Variants in NELL1 observed in about 807,000 individuals in gnomAD.
The protein encoded by NELL1 is neural EGFL like 1, also known as protein kinase C-binding protein NELL1.
A neutral mutation model predicts 107.4 loss-of-function variants in NELL1; 76 were observed. The observed-to-expected ratio is 0.71, with a 90% CI of 0.59 to 0.86. The LOEUF (loss-of-function observed/expected upper bound fraction) is 0.86. Ranked by LOEUF, NELL1 falls within the 40% of genes least tolerant of loss-of-function variation. The probability of loss-of-function intolerance (pLI) is 0.00; values close to 1 mark genes in which losing one functional copy is unlikely to be tolerated. For missense variants in NELL1, 1,024 were observed against 1,005.5 expected, an observed-to-expected ratio of 1.02 and a Z score of -0.25; for synonymous variants, 353 against 341.2, an observed-to-expected ratio of 1.03 and a Z score of -0.38.
At chr11:21,082,843 A>G (rs546864403) in intron 12 of NELL1, among the ~76,000 whole-genome samples, 1 of 152,350 alleles carries the variant, frequency 6.6e-6, no homozygotes, top group South Asian at 2.1e-4. Flanking sequence ...GCATTTAAAA[A>G]TCCTTATTTA....
intron 12 of NELL1, among the ~76,000 whole-genome samples, chr11:21,011,866 A>T (rs1168231001): frequency 6.6e-6 from 1 of 152,162 alleles, no homozygotes; most frequent in African/African-American, 2.4e-5. Context: ...ATAAACTATT[A>T]AATAAGCATT....
intron 14 of NELL1, among the ~76,000 whole-genome samples, chr11:21,233,145 T>A (rs183451025): frequency 6.6e-6 from 1 of 152,358 alleles, no homozygotes; most frequent in Admixed American, 6.5e-5. Context: ...TGGTGGTCGA[T>A]GCCCATGTAA....
intron 4 of NELL1, among the ~76,000 whole-genome samples, chr11:20,875,103 A>G (rs1333395660): frequency 2.0e-5 from 3 of 152,330 alleles, no homozygotes; most frequent in South Asian, 2.1e-4. Flanking sequence ...GTCTCATGGT[A>G]CACTTTAAGA....
At chr11:21,381,985 A>C (rs1437535648) in intron 15 of NELL1, among the ~76,000 whole-genome samples, 1 of 145,204 alleles carries the variant, frequency 6.9e-6, no homozygotes, top group African/African-American at 2.6e-5. Context: ...ATTTAACAGC[A>C]AGTTCTCACT....
chr11:21,442,233 T>G (rs778279951), intron 15 of NELL1, among the ~76,000 whole-genome samples: 2 of 152,170 alleles, frequency 1.3e-5, no homozygotes, highest in Admixed American at 6.6e-5. Context: ...TACCTAAGAT[T>G]AGCAACCTCA....
chr11:20,830,947 G>T (rs1857995817), intron 3 of NELL1, among the ~76,000 whole-genome samples: 1 of 152,042 alleles, frequency 6.6e-6, no homozygotes, highest in Non-Finnish European at 1.5e-5. Context: ...ATTTCAACAT[G>T]AGTTTTGGTG....
rs578220684 is a variant in NELL1 at position 20,982,808 on chromosome 11, T to A, written c.1300+22248T>A. Among the ~76,000 whole-genome samples the A allele has an allele frequency of 9.2e-5, 14 of 152,318 alleles. No individual in the cohort carries two copies. The South Asian group carries it at 2.9e-3, about 32-fold the overall frequency. ...GTGATTTACAGTTTCTAAAAAGTTG[T>A]TTGTATAGGGAATTTTTGTTAAAGA... On this transcript the variant is annotated intron_variant, in intron 12 of 19. Transcript: ENST00000357134.
intron 13 of NELL1, among the ~76,000 whole-genome samples, chr11:21,181,293 A>C (rs1856821904): frequency 6.6e-6 from 1 of 151,892 alleles, no homozygotes; most frequent in Non-Finnish European, 1.5e-5. Flanking sequence ...ACTCATGGTG[A>C]AAACCGCTAC....
chr11:21,226,774 G>A (rs1376783021), intron 13 of NELL1, among the ~76,000 whole-genome samples: 1 of 152,116 alleles, frequency 6.6e-6, no homozygotes. Flanking sequence ...AAAGTTCTAA[G>A]ATAGATGAAA....
intron 16 of NELL1, among the ~76,000 whole-genome samples, chr11:21,546,898 A>T (rs1856457148): frequency 6.6e-6 from 1 of 151,992 alleles, no homozygotes; most frequent in Non-Finnish European, 1.5e-5. Flanking sequence ...TAGTATTCAG[A>T]CCAATTAAAG....
chr11:20,978,199 T>G (rs2134240348), intron 12 of NELL1, among the ~76,000 whole-genome samples: 1 of 152,346 alleles, frequency 6.6e-6, no homozygotes, highest in Non-Finnish European at 1.5e-5. Context: ...ACAAACCATC[T>G]CATTTGTCTT....
rs777244141 is a variant in NELL1, at chr11:20,918,186, T to A, written c.608T>A (p.Ile203Asn). Residue 203 changes from isoleucine (I) to asparagine (N), a missense_variant, in exon 6 of 20, where the codon ATC (isoleucine) becomes AAC (asparagine). Transcript: ENST00000357134. Reference sequence around the variant, plus strand: ...CCTGTCTCTTCTATTATCAAGGGGATCATCCAAGATGGGAAGATCATCTTT... The same window carrying A: ...CCTGTCTCTTCTATTATCAAGGGGAACATCCAAGATGGGAAGATCATCTTT... ...RNQKHGLFKGIIQDGKIIFMP... is the reference protein window; with the variant it reads ...RNQKHGLFKGNIQDGKIIFMP... 2 of 1,584,068 alleles carry A rather than the reference T, an allele frequency of 1.3e-6. No homozygotes were observed.
At chr11:21,251,141 A>C (rs902804966) in intron 14 of NELL1, among the ~76,000 whole-genome samples, 1 of 152,198 alleles carries the variant, frequency 6.6e-6, no homozygotes, top group Non-Finnish European at 1.5e-5. Flanking sequence ...GACTTTAAGC[A>C]TGAAAGCATC....
chr11:20,978,755 C>G (rs982754255), intron 12 of NELL1, among the ~76,000 whole-genome samples: 1 of 152,150 alleles, frequency 6.6e-6, no homozygotes, highest in Non-Finnish European at 1.5e-5. Flanking sequence ...ATTCTCATCC[C>G]CTTCCTTCTC....
At chr11:21,264,142 TG>T (rs1848592321) in intron 14 of NELL1, among the ~76,000 whole-genome samples, 1 of 143,658 alleles carries the variant, frequency 7.0e-6, no homozygotes, top group South Asian at 2.2e-4. Flanking sequence ...GGAATAGGGG[TG>T]GGAGGGGGAA....
intron 13 of NELL1, among the ~76,000 whole-genome samples, chr11:21,113,949 G>A (rs1262602576): frequency 6.6e-6 from 1 of 152,002 alleles, no homozygotes; most frequent in African/African-American, 2.4e-5. Flanking sequence ...ATGGGTGTGT[G>A]ATTTGAAACT....
At chr11:21,420,915 A>C (rs1852649367) in intron 15 of NELL1, among the ~76,000 whole-genome samples, 2 of 152,180 alleles carry the variant, frequency 1.3e-5, no homozygotes, top group Admixed American at 1.3e-4. Flanking sequence ...AAAATAAAAG[A>C]CCCTTAGGTA....
intron 12 of NELL1, among the ~76,000 whole-genome samples, chr11:21,109,275 A>T (rs1855048896): frequency 6.6e-6 from 1 of 152,114 alleles, no homozygotes; most frequent in East Asian, 1.9e-4. Context: ...TTCCTTTATA[A>T]GGTACGTACT....
intron 2 of NELL1, among the ~76,000 whole-genome samples, chr11:20,729,136 ATT>A (rs34134959): frequency 6.7e-5 from 10 of 148,216 alleles, no homozygotes; most frequent in African/African-American, 2.5e-4. Flanking sequence ...AATGCTACTG[ATT>A]TTTTTTTAAC....
Sources: allele counts gnomAD v4.1 joint callset (sites outside exome capture counted in the v4.1 genomes callset), GRCh38; gene constraint gnomAD v4.1.1; transcripts MANE v1.5; gene names NCBI Gene and HGNC (gene_info 2026-07-23, HGNC 2026-07-21).